VWA5A: variants seen among roughly 807,000 people sequenced by gnomAD.
VWA5A encodes the protein von Willebrand factor A domain containing 5A, also known as von Willebrand factor A domain-containing protein 5A.
Under a neutral mutation model 84.6 loss-of-function variants are expected in VWA5A, and 77 were observed. That is an observed-to-expected ratio of 0.91 (90% CI 0.76 to 1.10). The LOEUF (loss-of-function observed/expected upper bound fraction) is 1.10, where lower values mean the gene tolerates loss of function less well. Among genes scored for constraint, VWA5A ranks in the 50% least tolerant of loss-of-function variants. The probability of loss-of-function intolerance (pLI) is 0.00; values close to 1 mark genes in which losing one functional copy is unlikely to be tolerated. For missense variants in VWA5A, 973 were observed against 963.0 expected (o/e 1.01, Z -0.14); for synonymous variants, 334 against 350.1 (o/e 0.95, Z 0.51).
chr11:124,145,814 G>T (rs1349106705), intron 18 of VWA5A, 52 bp from the exon 19 acceptor site: 35 of 1,532,594 alleles, frequency 2.3e-5, no homozygotes, highest in Non-Finnish European at 3.1e-5. Flanking sequence ...AGGTTTGGAG[G>T]AGCCTCTAAT....
rs551793676 is a variant in VWA5A at position 124,136,599 on chromosome 11, G to T, written c.1550G>T (p.Cys517Phe). The T allele has an allele frequency of 2.4e-5, 38 of 1,614,092 alleles. No homozygotes were observed. The East Asian group carries it at 7.4e-4, about 31-fold the overall frequency. Reference sequence around the variant, plus strand: ...GCAGCAGAGACAACAGGAGAAGTATGCCTCAAATATACACTCCAGGGCAAG... The same window carrying T: ...GCAGCAGAGACAACAGGAGAAGTATTCCTCAAATATACACTCCAGGGCAAG... ...MPAAETTGEV[C>F]LKYTLQGKTF... The change falls in exon 14 of 19, where the codon TGC becomes TTC. Residue 517 changes from cysteine (C) to phenylalanine (F), a missense_variant. Coordinates refer to ENST00000456829, the MANE Select transcript of VWA5A (RefSeq NM_001130142.2).
intron 15 of VWA5A, among the ~76,000 whole-genome samples, chr11:124,138,922 GC>G (rs1860671425): frequency 6.6e-6 from 1 of 152,110 alleles, no homozygotes; most frequent in Non-Finnish European, 1.5e-5. Flanking sequence ...TTACACTTAA[GC>G]CTTTAGTTCA....
chr11:124,145,167 G>A (rs1860795755), intron 17 of VWA5A, 70 bp from the exon 18 acceptor site: 2 of 1,529,786 alleles, frequency 1.3e-6, no homozygotes, highest in Non-Finnish European at 1.8e-6. Context: ...TAAGTGAGGA[G>A]GGAGTGAAGC....
rs1440078267 is a variant in VWA5A at position 124,118,688 on chromosome 11, G to C, written c.625G>C (p.Glu209Gln). 7 of 1,613,832 alleles carry C rather than the reference G, an allele frequency of 4.3e-6. No homozygotes were observed. Among genetic ancestry groups the C allele is most frequent in the Non-Finnish European group, 5.9e-6 (7 of 1,179,968 alleles). Reference sequence around the variant, plus strand: ...CTTGAGTCCTACCGAGTACCTAGGAGAGGACAAGACTTCTGCTCAGGTAGT... The same window carrying C: ...CTTGAGTCCTACCGAGTACCTAGGACAGGACAAGACTTCTGCTCAGGTAGT... ...CPLSPTEYLGEDKTSAQVSLA... is the reference protein window; with the variant it reads ...CPLSPTEYLGQDKTSAQVSLA... Residue 209 changes from glutamate to glutamine, a missense_variant, in exon 6 of 19, where the codon GAG becomes CAG. Glu to Gln is a conservative substitution (Grantham distance 29). Transcript: ENST00000456829.
At chr11:124,134,203 C>A (rs12421483) in intron 11 of VWA5A, among the ~76,000 whole-genome samples, 1 of 152,130 alleles carries the variant, frequency 6.6e-6, no homozygotes, top group African/African-American at 2.4e-5. Context: ...GTCTTACAAG[C>A]GTAGAGCATT....
rs771882766 is a variant in VWA5A at position 124,118,982 on chromosome 11, T to C, written c.653T>C (p.Leu218Pro). ...GEDKTSAQVS[L>P]AAGHKFDRDV... ...TACCTGTCCTCCACTCAGGTTTCCC[T>C]GGCTGCTGGACACAAGTTTGATCGG... Residue 218 changes from leucine (L) to proline (P), a missense_variant, in exon 7 of 19, where the codon CTG (leucine) becomes CCG (proline). Coordinates refer to ENST00000456829, the MANE Select transcript of VWA5A (RefSeq NM_001130142.2). 4.5e-5 allele frequency: 72 copies of C among 1,614,030 alleles called. No individual in the cohort carries two copies. The highest frequency in any genetic ancestry group is 5.8e-5 in the Non-Finnish European group (69 of 1,180,030).
chr11:124,117,521 T>G lies in VWA5A; in HGVS notation c.10T>G (p.Phe4Val), dbSNP rs1179473054. Residue 4 changes from phenylalanine to valine, a missense_variant, in exon 3 of 19, where the codon TTC becomes GTC. Physicochemically the swap from Phe to Val is conservative, Grantham distance 50. Coordinates refer to ENST00000456829, the MANE Select transcript of VWA5A (RefSeq NM_001130142.2). MVH[F>V]CGLLTLHREP... Reference sequence around the variant, plus strand: ...GAAATCTTGCATCACCATGGTGCACTTCTGTGGCCTACTCACCCTCCACCG... The same window carrying G: ...GAAATCTTGCATCACCATGGTGCACGTCTGTGGCCTACTCACCCTCCACCG... 6.2e-7 allele frequency: 1 copy of G among 1,614,232 alleles called. No individual in the cohort carries two copies. The highest frequency in any genetic ancestry group is 2.2e-5 in the East Asian group (1 of 44,882).
At chr11:124,119,798 G>C (rs567257864) in intron 7 of VWA5A, among the ~76,000 whole-genome samples, 2 of 152,284 alleles carry the variant, frequency 1.3e-5, no homozygotes, top group South Asian at 4.1e-4. Context: ...TAAAAGAAAA[G>C]TAAGTTATAG....
At chr11:124,131,906 A>G (rs2137649210) in intron 11 of VWA5A, among the ~76,000 whole-genome samples, 1 of 152,104 alleles carries the variant, frequency 6.6e-6, no homozygotes, top group South Asian at 2.1e-4. Context: ...CTCAAAGGGA[A>G]CATTTCAACT....
intron 11 of VWA5A, among the ~76,000 whole-genome samples, chr11:124,134,384 T>C (rs1245454479): frequency 6.6e-6 from 1 of 152,236 alleles, no homozygotes; most frequent in Non-Finnish European, 1.5e-5. Flanking sequence ...TATATAATTC[T>C]ATTTGGGAAA....
chr11:124,135,457 G>A (rs1259699635), intron 12 of VWA5A, among the ~76,000 whole-genome samples: 1 of 151,102 alleles, frequency 6.6e-6, no homozygotes, highest in African/African-American at 2.4e-5. Context: ...TGGATCGGAA[G>A]AGGTAGTAAA....
intron 17 of VWA5A, 90 bp downstream of exon 17, chr11:124,142,662 G>GA: frequency 1.3e-6 from 2 of 1,520,954 alleles, no homozygotes; most frequent in Non-Finnish European, 1.8e-6. Flanking sequence ...CCTGAGGAAG[G>GA]AAAATATAGG....
intron 6 of VWA5A, 117 bp from the exon 7 acceptor site, chr11:124,118,858 G>T (rs1322635975): frequency 7.4e-7 from 1 of 1,344,086 alleles, no homozygotes; most frequent in Non-Finnish European, 1.0e-6. Context: ...CTTCTCTCCA[G>T]CCTCACCTCT....
At chr11:124,131,414 C>T (rs1865095613) in intron 11 of VWA5A, among the ~76,000 whole-genome samples, 1 of 151,950 alleles carries the variant, frequency 6.6e-6, no homozygotes, top group African/African-American at 2.4e-5. Flanking sequence ...GTTTGGACTG[C>T]AGTGGACCGC....
At chr11:124,145,177 C>T (rs1042259675) in intron 17 of VWA5A, 60 bp from the exon 18 acceptor site, 3 of 1,546,948 alleles carry the variant, frequency 1.9e-6, no homozygotes, top group Non-Finnish European at 1.7e-6. Flanking sequence ...GGGAGTGAAG[C>T]TTTTTGCATC....
intron 15 of VWA5A, among the ~76,000 whole-genome samples, chr11:124,139,685 TG>T (rs201729508): frequency 6.2e-5 from 9 of 145,758 alleles, no homozygotes; most frequent in African/African-American, 1.3e-4. Flanking sequence ...ATTTAACAGG[TG>T]TTTTTTTTTT....
intron 18 of VWA5A, 78 bp from the exon 19 acceptor site, chr11:124,145,788 G>A: frequency 7.1e-7 from 1 of 1,413,928 alleles, no homozygotes; most frequent in Non-Finnish European, 9.7e-7. Context: ...GCACAACTCA[G>A]GGTAGATGAT....
At position 124,145,933 on chromosome 11, in the gene VWA5A, CTT is replaced by C. The variant is rs1591368850; in HGVS notation, c.2351_2352del (p.Phe784CysfsTer27). The C allele has an allele frequency of 3.2e-6, 5 of 1,586,042 alleles. No homozygotes were observed. The highest frequency in any genetic ancestry group is 4.3e-6 in the Non-Finnish European group (5 of 1,162,134). ...TGAAGTCATCTGTGGATCCTGCTAT[CTT>C]TGCCTTTTGAAGATACCATCCAGAA... is the stretch of plus-strand genomic sequence containing the variant. The part of the protein sequence containing the change: ...FLKSSVDPAI[F>X]AF On this transcript the variant is annotated frameshift_variant, in exon 19 of 19. Coordinates refer to ENST00000456829, the MANE Select transcript of VWA5A (RefSeq NM_001130142.2). LOFTEE classifies it high-confidence loss of function.
chr11:124,136,893 C>G lies in VWA5A; in HGVS notation c.1626-122C>G, dbSNP rs961027695. ...TTTTTTATTTCTAAACCACCCAAGT[C>G]TTCTCTCTCCCCTTATCTGACTTTA... On this transcript the variant is annotated intron_variant, in intron 14 of 18. Transcript: ENST00000456829. The G allele has an allele frequency of 4.4e-6, 6 of 1,373,916 alleles. No individual in the cohort carries two copies. The Admixed American group carries it at 7.1e-5, about 16-fold the overall frequency. 85.1% of individuals were successfully genotyped at this position (1,373,916 alleles called of 1,614,324 possible).
Sources: gnomAD v4.1 joint callset for allele counts (sites outside exome capture counted in the v4.1 genomes callset) on GRCh38, gnomAD v4.1.1 for gene constraint, MANE v1.5 for transcripts, NCBI Gene and HGNC (gene_info 2026-07-23, HGNC 2026-07-21) for gene names.